Variants in FTO observed in about 807,000 individuals in gnomAD.
FTO encodes the protein alpha-ketoglutarate-dependent dioxygenase FTO.
A neutral mutation model predicts 63.9 loss-of-function variants in FTO; 47 were observed. The observed-to-expected ratio is 0.74, with a 90% confidence interval of 0.58 to 0.94. The LOEUF is 0.94. Ranked by LOEUF, FTO falls within the 40% of genes least tolerant of loss-of-function variation. The pLI, the probability that FTO is intolerant of heterozygous loss-of-function variation, is 0.00. For missense variants in FTO, 562 were observed against 618.1 expected (o/e 0.91, Z 0.96); for synonymous variants, 207 against 224.4 (o/e 0.92, Z 0.69).
At chr16:53,773,520 G>T (rs2077391344) in intron 1 of FTO, among the ~76,000 whole-genome samples, 1 of 152,136 alleles carries the variant, frequency 6.6e-6, no homozygotes, top group South Asian at 2.1e-4. Flanking sequence ...GTCATGGCCT[G>T]TTAACTATGC....
chr16:53,713,748 G>T (rs1422982644), intron 1 of FTO, among the ~76,000 whole-genome samples: 1 of 152,138 alleles, frequency 6.6e-6, no homozygotes, highest in Non-Finnish European at 1.5e-5. Flanking sequence ...CACAACATAA[G>T]ATCTACTCTC....
intron 1 of FTO, among the ~76,000 whole-genome samples, chr16:53,735,963 T>C (rs568894895): frequency 6.6e-6 from 1 of 152,288 alleles, no homozygotes; most frequent in South Asian, 2.1e-4. Flanking sequence ...AGTTTCTTAC[T>C]CTATAAAATG....
intron 4 of FTO, among the ~76,000 whole-genome samples, chr16:53,861,750 TG>T (rs2080179579): frequency 6.6e-6 from 1 of 152,212 alleles, no homozygotes; most frequent in South Asian, 2.1e-4. Flanking sequence ...CTAGCCTTTT[TG>T]TACTGTGATT....
intron 1 of FTO, among the ~76,000 whole-genome samples, chr16:53,761,614 C>T (rs1261292276): frequency 6.6e-6 from 1 of 152,032 alleles, no homozygotes; most frequent in Non-Finnish European, 1.5e-5. Context: ...TTAAAGTCTC[C>T]TTTGACTATC....
At chr16:53,873,583 T>C (rs2080563014) in intron 4 of FTO, among the ~76,000 whole-genome samples, 1 of 150,688 alleles carries the variant, frequency 6.6e-6, no homozygotes, top group African/African-American at 2.4e-5. Context: ...TATAAGTAGA[T>C]ACGCATATAA....
At chr16:53,946,249 C>T (rs886879721) in intron 8 of FTO, among the ~76,000 whole-genome samples, 1 of 152,102 alleles carries the variant, frequency 6.6e-6, no homozygotes, top group African/African-American at 2.4e-5. Flanking sequence ...TTATTTGAAT[C>T]GTTCCAATGT....
rs376817565 is a variant in FTO, at chr16:54,111,358, T to A, written c.1365-404T>A. Among the ~76,000 whole-genome samples, 11 of 152,332 alleles carry A rather than the reference T, an allele frequency of 7.2e-5. No homozygotes were observed. In the East Asian group the frequency reaches 2.1e-3, roughly 29 times the overall value. The stretch of plus-strand genomic sequence containing the variant: ...GGACGTTTTAATGCAGTAAATTCAA[T>A]TTAATCTTTCCCAGTAATCTAGTAA... On this transcript the variant is annotated intron_variant, in intron 8 of 8. Transcript: ENST00000471389.
At chr16:53,716,265 C>T (rs965642554) in intron 1 of FTO, among the ~76,000 whole-genome samples, 5 of 152,162 alleles carry the variant, frequency 3.3e-5, no homozygotes, top group Non-Finnish European at 5.9e-5. Context: ...ATGTTTTGAT[C>T]AATGATCACA....
chr16:53,838,089 G>A (rs2079356521), intron 3 of FTO, among the ~76,000 whole-genome samples: 1 of 152,122 alleles, frequency 6.6e-6, no homozygotes, highest in South Asian at 2.1e-4. Flanking sequence ...TTTGCCTTCT[G>A]TCTCCTTTCG....
chr16:53,774,902 G>A (rs1328321034), intron 1 of FTO, among the ~76,000 whole-genome samples: 1 of 152,152 alleles, frequency 6.6e-6, no homozygotes, highest in Non-Finnish European at 1.5e-5. Context: ...GAACTACAAA[G>A]TGAATGGCCA....
intron 1 of FTO, among the ~76,000 whole-genome samples, chr16:53,790,503 G>A (rs1209431957): frequency 1.4e-5 from 2 of 144,646 alleles, no homozygotes; most frequent in Non-Finnish European, 3.0e-5. Flanking sequence ...GATTGCTTGA[G>A]CCTAGGAGTT....
At chr16:54,030,558 A>T (rs960954231) in intron 8 of FTO, among the ~76,000 whole-genome samples, 2 of 151,118 alleles carry the variant, frequency 1.3e-5, no homozygotes, top group African/African-American at 4.9e-5. Context: ...CTTAGTCCTC[A>T]TTTTTTTTTG....
At chr16:53,837,821 TAG>T (rs1479268086) in intron 3 of FTO, among the ~76,000 whole-genome samples, 5 of 152,186 alleles carry the variant, frequency 3.3e-5, no homozygotes, top group African/African-American at 1.2e-4. Context: ...TGGTACCTTC[TAG>T]AGAGATCATT....
chr16:53,811,807 G>T (rs1258993284), intron 2 of FTO, among the ~76,000 whole-genome samples: 1 of 151,774 alleles, frequency 6.6e-6, no homozygotes, highest in Non-Finnish European at 1.5e-5. Context: ...CTCTTTATCT[G>T]TCTCTTCTTT....
intron 8 of FTO, among the ~76,000 whole-genome samples, chr16:53,942,396 G>A (rs142045521): frequency 2.6e-5 from 4 of 152,294 alleles, no homozygotes; most frequent in East Asian, 3.9e-4. Context: ...AAAAGACATG[G>A]TCTCCTCCCT....
chr16:53,849,815 G>A (rs1280827752), intron 4 of FTO, among the ~76,000 whole-genome samples: 2 of 152,200 alleles, frequency 1.3e-5, no homozygotes, highest in African/African-American at 4.8e-5. Flanking sequence ...CAGGAGTTTA[G>A]ACTCTTAAGC....
intron 8 of FTO, chr16:54,070,771 T>C (rs1402197263): frequency 6.6e-6 from 1 of 152,212 alleles, no homozygotes; most frequent in South Asian, 2.1e-4. Context: ...ACTGAACTTC[T>C]GAAATGTGAC....
In FTO at chr16:53,919,033, C is replaced by T. The variant is rs574667015; in HGVS notation, c.1240-14952C>T. 1.1e-3 allele frequency among the ~76,000 whole-genome samples: 169 copies of T among 152,210 alleles called. 1 individual carries two copies. Among genetic ancestry groups the T allele is most frequent in the Middle Eastern group, 6.8e-3 (2 of 294 alleles). The stretch of plus-strand genomic sequence containing the variant: ...AGATGAAGTTAATGAAAGCACTTTC[C>T]GAACTTTGTCAGTTTACGTATATGT... On this transcript the variant is annotated intron_variant, in intron 7 of 8. Transcript: ENST00000471389.
chr16:53,862,024 G>A (rs1232609757), intron 4 of FTO, among the ~76,000 whole-genome samples: 1 of 152,196 alleles, frequency 6.6e-6, no homozygotes, highest in East Asian at 1.9e-4. Context: ...GGTCGAGGTG[G>A]GCAGATCAGG....
Sources: allele counts gnomAD v4.1 joint callset (sites outside exome capture counted in the v4.1 genomes callset), GRCh38; gene constraint gnomAD v4.1.1; transcripts MANE v1.5; gene names NCBI Gene and HGNC (gene_info 2026-07-23, HGNC 2026-07-21).